Variants in NAP1L4 observed in about 807,000 individuals in gnomAD.
The protein encoded by NAP1L4 is nucleosome assembly protein 1 like 4.
Under a neutral mutation model 58.2 loss-of-function variants are expected in NAP1L4, and 15 were observed. The observed-to-expected ratio is 0.26, with a 90% CI of 0.17 to 0.40. The LOEUF (loss-of-function observed/expected upper bound fraction) is 0.40. NAP1L4 is among the 10% of genes least tolerant of loss of function. NAP1L4 has a pLI of 1.00. For synonymous variants in NAP1L4, 171 were observed against 155.6 expected (o/e 1.10, Z -0.74); for missense variants, 384 against 451.1 (o/e 0.85, Z 1.35).
In NAP1L4 at chr11:2,946,915, C is replaced by G. The variant is rs1845968488; in HGVS notation, c.*33-1269G>C. Among the ~76,000 whole-genome samples, 1 of 152,122 alleles carries G rather than the reference C, an allele frequency of 6.6e-6. No homozygotes were observed. Among genetic ancestry groups the G allele is most frequent in the Admixed American group, 6.5e-5 (1 of 15,272 alleles). On this transcript the variant is annotated intron_variant, in intron 15 of 15. Coordinates refer to ENST00000380542, the MANE Select transcript of NAP1L4 (RefSeq NM_005969.4). This position sits in a 1 kb window ranked among gnomAD's most constrained non-coding sequence, Gnocchi z 4.8. ...TGTGGGGGATGCAGGGCGCCCCGAG[C>G]AGGAGCAGTGAGGGGAGGAGTGGGA...
chr11:2,973,214 T>C (rs1298325254), intron 4 of NAP1L4, among the ~76,000 whole-genome samples: 1 of 152,216 alleles, frequency 6.6e-6, no homozygotes, highest in African/African-American at 2.4e-5. Flanking sequence ...GAGAGTCAGG[T>C]CAACTATGAG....
Position 2,945,636 on chromosome 11 carries a change from C to T in NAP1L4, c.*43G>A. 1 of 1,536,048 alleles carries T rather than the reference C, an allele frequency of 6.5e-7. No individual in the cohort carries two copies. Among genetic ancestry groups the T allele is most frequent in the Non-Finnish European group, 8.7e-7 (1 of 1,146,876 alleles). ...CTGCTGCTTGCATTCCGCCGGCTGGCTGGGTTCCTTCTGTCAATGAAAAAG... is the reference window on the plus strand; with the variant it reads ...CTGCTGCTTGCATTCCGCCGGCTGGTTGGGTTCCTTCTGTCAATGAAAAAG... On this transcript the variant is annotated 3_prime_UTR_variant, in exon 16 of 16. Coordinates refer to ENST00000380542, the MANE Select transcript of NAP1L4 (RefSeq NM_005969.4).
rs778143334 is a variant in NAP1L4, at chr11:2,969,903, T to C, written c.434A>G (p.Glu145Gly). The C allele has an allele frequency of 1.2e-6, 2 of 1,613,748 alleles. No individual in the cohort carries two copies. Among genetic ancestry groups the C allele is most frequent in the South Asian group, 1.1e-5 (1 of 90,966 alleles). ...GDMKSKVVVTEKAAATAEEPD... is the reference protein window; with the variant it reads ...GDMKSKVVVTGKAAATAEEPD... The stretch of plus-strand genomic sequence containing the variant: ...CTCTTCAGCCGTTGCCGCTGCTTTT[T>C]CTGTGACGACTACTTTACTTTTCAT... Residue 145 changes from glutamate (E) to glycine (G), a missense_variant, in exon 7 of 16, where the codon GAA becomes GGA. By Grantham distance (98) the Glu-to-Gly change is moderately conservative. This residue lies in a region of NAP1L4 where 296 missense variants were observed against 360.8 expected (regional missense o/e 0.82). Coordinates refer to ENST00000380542, the MANE Select transcript of NAP1L4 (RefSeq NM_005969.4).
At chr11:2,977,521 C>T (rs1196218279) in intron 3 of NAP1L4, among the ~76,000 whole-genome samples, 1 of 152,096 alleles carries the variant, frequency 6.6e-6, no homozygotes, top group African/African-American at 2.4e-5. Flanking sequence ...ATAAAAGATG[C>T]AAAAGGTAGG....
chr11:2,979,168 A>G (rs759331181), intron 2 of NAP1L4, 39 bp downstream of exon 2: 1 of 1,596,876 alleles, frequency 6.3e-7, no homozygotes, highest in South Asian at 1.1e-5. Context: ...TCACCAACTG[A>G]ATTTTAAACT....
At chr11:2,960,462 TG>T (rs1846814324) in intron 8 of NAP1L4, among the ~76,000 whole-genome samples, 1 of 152,080 alleles carries the variant, frequency 6.6e-6, no homozygotes, top group Non-Finnish European at 1.5e-5. Flanking sequence ...GCTACAGACC[TG>T]GAAGAGACGT....
In NAP1L4 at chr11:2,951,705, C is replaced by T. The variant is rs1381870694; in HGVS notation, c.1065+75G>A. On this transcript the variant is annotated intron_variant, in intron 13 of 15. Coordinates refer to ENST00000380542, the MANE Select transcript of NAP1L4 (RefSeq NM_005969.4). This position sits in a 1 kb window ranked among gnomAD's most constrained non-coding sequence, Gnocchi z 4.0. The stretch of plus-strand genomic sequence containing the variant: ...TGGGTTTAACACAGCCCTGTGAGTC[C>T]ATAACCTTCAAGCAGAGAAAGCCAA... 1 of 1,488,330 alleles carries T rather than the reference C, an allele frequency of 6.7e-7. No homozygotes were observed. Among genetic ancestry groups the T allele is most frequent in the African/African-American group, 1.4e-5 (1 of 72,294 alleles). The allele number at this position is 1,488,330 out of a possible 1,614,324, so 92.2% of individuals were successfully genotyped here.
chr11:2,960,364 G>T (rs1465308322), intron 8 of NAP1L4, among the ~76,000 whole-genome samples: 1 of 152,168 alleles, frequency 6.6e-6, no homozygotes, highest in Non-Finnish European at 1.5e-5. Context: ...TGAAAGCAGT[G>T]ACCCACAGCT....
intron 8 of NAP1L4, among the ~76,000 whole-genome samples, chr11:2,962,550 AAG>A (rs1846989879): frequency 6.6e-6 from 1 of 152,222 alleles, no homozygotes; most frequent in African/African-American, 2.4e-5. Flanking sequence ...ACAAAGGAAA[AAG>A]AGTATGGGGA....
intron 1 of NAP1L4, among the ~76,000 whole-genome samples, chr11:2,981,489 C>A (rs1399297521): frequency 1.3e-5 from 2 of 150,194 alleles, no homozygotes; most frequent in Non-Finnish European, 3.0e-5. Flanking sequence ...CCACCATGAC[C>A]ACAGCAGCAA....
In NAP1L4 at chr11:2,945,375, C is replaced by T. The variant is rs1460119053; in HGVS notation, c.*304G>A. The stretch of plus-strand genomic sequence containing the variant: ...AAGTCCAGAGCTACAGGCACCAAGG[C>T]TGCAGAGGGTGCTGGACGAAACCTC... On this transcript the variant is annotated 3_prime_UTR_variant, in exon 16 of 16. Coordinates refer to ENST00000380542, the MANE Select transcript of NAP1L4 (RefSeq NM_005969.4). 4 of 517,126 alleles carry T rather than the reference C, an allele frequency of 7.7e-6. No homozygotes were observed. Among genetic ancestry groups the T allele is most frequent in the East Asian group, 6.5e-5 (2 of 30,648 alleles). 32.0% of individuals were successfully genotyped at this position (517,126 alleles called of 1,614,324 possible). A position where few individuals can be genotyped will look rare whatever the true frequency, so the allele number is the denominator to read the frequency against.
rs749724886 is a variant in NAP1L4, at chr11:2,946,412, T to C, written c.*33-766A>G. On this transcript the variant is annotated intron_variant, in intron 15 of 15. Transcript: ENST00000380542. The surrounding 1 kb of genome is among the most constrained non-coding windows in gnomAD (Gnocchi z 4.8). ...CTTTAAACCACATCCAGCAACTCCA[T>C]GAATTTGTGTGGAGGCCAACAATAG... Among the ~76,000 whole-genome samples, 9 of 152,350 alleles carry C rather than the reference T, an allele frequency of 5.9e-5. No individual in the cohort carries two copies. Among genetic ancestry groups the C allele is most frequent in the Admixed American group, 2.0e-4 (3 of 15,304 alleles).
At chr11:2,990,983 C>T in intron 1 of NAP1L4, 2 of 389,354 alleles carry the variant, frequency 5.1e-6, no homozygotes, top group Non-Finnish European at 1.1e-5. Context: ...TCTATTTTCA[C>T]CCCGTAAACC....
intron 1 of NAP1L4, chr11:2,990,001 C>T (rs1162973465): frequency 6.6e-6 from 1 of 152,184 alleles, no homozygotes; most frequent in African/African-American, 2.4e-5. Flanking sequence ...AGTTATCAAA[C>T]TTAAAAATGA....
At chr11:2,978,851 T>C (rs1037338236) in intron 2 of NAP1L4, among the ~76,000 whole-genome samples, 38 of 152,280 alleles carry the variant, frequency 2.5e-4, no homozygotes, top group Middle Eastern at 3.4e-3. Flanking sequence ...AAACATCAAA[T>C]AATATACACA....
At chr11:2,958,206 C>T in intron 10 of NAP1L4, 193 bp downstream of exon 10, 4 of 703,644 alleles carry the variant, frequency 5.7e-6, no homozygotes, top group Non-Finnish European at 1.0e-5. Flanking sequence ...CTCTTACTGT[C>T]CTAGCTACCT....
At chr11:2,969,701 G>A in intron 7 of NAP1L4, 102 bp downstream of exon 7, 1 of 1,353,568 alleles carries the variant, frequency 7.4e-7, no homozygotes, top group Non-Finnish European at 9.9e-7. Flanking sequence ...CGCCCACTAT[G>A]AACAATCTTT....
intron 7 of NAP1L4, 124 bp from the exon 8 acceptor site, chr11:2,964,875 G>T: frequency 1.4e-6 from 1 of 702,902 alleles, no homozygotes; most frequent in Non-Finnish European, 2.4e-6. Context: ...TTCTGTCCTT[G>T]TCAAAGTAAT....
At chr11:2,992,057 C>G (rs190251279) in intron 1 of NAP1L4, 197 bp downstream of exon 1, 38,920 of 151,856 alleles carry the variant, frequency 0.26, 6,528 homozygotes, top group East Asian at 0.63. Flanking sequence ...GGGCTCCAGG[C>G]CCCAAGCCCC....
Sources: gnomAD v4.1 joint callset for allele counts (sites outside exome capture counted in the v4.1 genomes callset) on GRCh38, gnomAD v4.1.1 for gene constraint, gnomAD v4.1.1 regional missense constraint, Gnocchi (gnomAD v3.1) non-coding constraint, MANE v1.5 for transcripts, NCBI Gene and HGNC (gene_info 2026-07-23, HGNC 2026-07-21) for gene names.